Variants in KATNAL1 observed in about 807,000 individuals in gnomAD.
KATNAL1 encodes katanin p60 ATPase-containing subunit A-like 1.
In KATNAL1, 32 loss-of-function variants were observed where a neutral mutation model predicts 55.2. The ratio of observed to expected loss-of-function variants is 0.58; its 90% CI spans 0.44 to 0.78. KATNAL1 has a LOEUF of 0.78. KATNAL1 is among the 30% of genes least tolerant of loss of function. The pLI is 0.00. For missense variants in KATNAL1, 466 were observed against 600.9 expected (o/e 0.78, Z 2.35); for synonymous variants, 193 against 193.6 (o/e 1.00, Z 0.02).
At chr13:30,305,171 A>G (rs935347120) in intron 1 of KATNAL1, among the ~76,000 whole-genome samples, 1 of 152,194 alleles carries the variant, frequency 6.6e-6, no homozygotes, top group South Asian at 2.1e-4. Flanking sequence ...AAATTCTTCA[A>G]TGACTGCCCT....
chr13:30,280,116 A>C lies in KATNAL1; in HGVS notation c.270T>G (p.Asp90Glu). The change falls in exon 3 of 11, where the codon GAT becomes GAG. Residue 90 changes from aspartate (D) to glutamate (E), a missense_variant. Transcript: ENST00000380615. ...AAACAGCAGGATCTCTAAATGGTTC[A>C]TCTTGACAGGACACAGGGAAATCTG... ...KPPDFPVSCQ[D>E]EPFRDPAVWP... 1 of 1,613,672 alleles carries C rather than the reference A, an allele frequency of 6.2e-7. No individual in the cohort carries two copies. Among genetic ancestry groups the C allele is most frequent in the South Asian group, 1.1e-5 (1 of 91,016 alleles).
At chr13:30,306,313 A>C (rs1883172606) in intron 1 of KATNAL1, among the ~76,000 whole-genome samples, 1 of 152,186 alleles carries the variant, frequency 6.6e-6, no homozygotes, top group Non-Finnish European at 1.5e-5. Context: ...CCTTCCGAAA[A>C]CATGCTGAGA....
intron 3 of KATNAL1, among the ~76,000 whole-genome samples, chr13:30,266,012 CA>C (rs776557665): frequency 0.22 from 7,879 of 35,510 alleles, 133 homozygotes; most frequent in African/African-American, 0.29. Context: ...AACTCCATCT[CA>C]AAAAAAAAAA....
chr13:30,266,739 A>G (rs767223655), intron 3 of KATNAL1, among the ~76,000 whole-genome samples: 1 of 152,232 alleles, frequency 6.6e-6, no homozygotes, highest in African/African-American at 2.4e-5. Context: ...TTAATTTTAA[A>G]TCTCCCTGGA....
intron 1 of KATNAL1, among the ~76,000 whole-genome samples, chr13:30,301,652 C>T (rs1373810214): frequency 2.0e-5 from 3 of 152,086 alleles, no homozygotes; most frequent in Non-Finnish European, 4.4e-5. Context: ...AGAGCCTGTC[C>T]TCCTGGCTCA....
intron 6 of KATNAL1, among the ~76,000 whole-genome samples, chr13:30,235,091 T>G (rs1876521711): frequency 6.6e-6 from 1 of 152,212 alleles, no homozygotes; most frequent in South Asian, 2.1e-4. Flanking sequence ...CCATGGGCAA[T>G]CATTCAATTG....
At chr13:30,283,564 T>C in intron 2 of KATNAL1, 52 bp downstream of exon 2, 3 of 1,557,336 alleles carry the variant, frequency 1.9e-6, no homozygotes, top group Admixed American at 1.8e-5. Flanking sequence ...ATCTCTCAAG[T>C]ATAATAGGGT....
chr13:30,215,337 C>G (rs1249632938), intron 9 of KATNAL1, among the ~76,000 whole-genome samples: 6 of 152,180 alleles, frequency 3.9e-5, no homozygotes, highest in Non-Finnish European at 7.3e-5. Flanking sequence ...GGACCGTAAA[C>G]TAGTTCAACC....
At chr13:30,230,619 T>G in intron 7 of KATNAL1, 25 bp from the exon 8 acceptor site, 6 of 1,542,156 alleles carry the variant, frequency 3.9e-6, no homozygotes, top group Non-Finnish European at 5.3e-6. Context: ...TTTAAAGAAA[T>G]CATTCAATAA....
chr13:30,261,234 G>A (rs904976282), intron 3 of KATNAL1, among the ~76,000 whole-genome samples: 10 of 151,956 alleles, frequency 6.6e-5, no homozygotes, highest in Non-Finnish European at 1.3e-4. Context: ...AACATGGAAA[G>A]GAACAACCGA....
At position 30,227,407 on chromosome 13, in the gene KATNAL1, C is replaced by G. The variant is rs948619601; in HGVS notation, c.1147+5G>C. 89 of 1,612,378 alleles carry G rather than the reference C, an allele frequency of 5.5e-5. No homozygotes were observed. The highest frequency in any genetic ancestry group is 7.5e-5 in the Non-Finnish European group (88 of 1,179,086). On this transcript the variant is annotated splice_donor_5th_base_variant and intron_variant, in intron 9 of 10. Transcript: ENST00000380615. Reference sequence around the variant, plus strand: ...AGAAAGCTCAAAATAGAGAAGACATCATACCTGTTGGGAGAGGTATATATA... The same window carrying G: ...AGAAAGCTCAAAATAGAGAAGACATGATACCTGTTGGGAGAGGTATATATA...
At chr13:30,223,908 A>G (rs971318103) in intron 9 of KATNAL1, among the ~76,000 whole-genome samples, 2 of 152,236 alleles carry the variant, frequency 1.3e-5, no homozygotes, top group African/African-American at 4.8e-5. Flanking sequence ...CAGAATAAAC[A>G]TTCTATTCAA....
In KATNAL1 at chr13:30,210,458, G is replaced by C; in HGVS notation, c.1148-16C>G. Reference sequence around the variant, plus strand: ...CTTCCTTTTGCTGTTACAAGATTTTGGTGGTGTTGTTAGATGTTTTACTTT... The same window carrying C: ...CTTCCTTTTGCTGTTACAAGATTTTCGTGGTGTTGTTAGATGTTTTACTTT... On this transcript the variant is annotated splice_polypyrimidine_tract_variant and intron_variant, in intron 9 of 10. Transcript: ENST00000380615. The C allele has an allele frequency of 6.3e-7, 1 of 1,592,042 alleles. No individual in the cohort carries two copies. The highest frequency in any genetic ancestry group is 8.5e-7 in the Non-Finnish European group (1 of 1,173,222).
At chr13:30,290,175 A>G (rs1167726596) in intron 1 of KATNAL1, among the ~76,000 whole-genome samples, 4 of 152,246 alleles carry the variant, frequency 2.6e-5, no homozygotes, top group African/African-American at 9.6e-5. Context: ...AACCAAAAGA[A>G]GCAGAAGGAA....
At chr13:30,293,362 C>T (rs1414446757) in intron 1 of KATNAL1, among the ~76,000 whole-genome samples, 2 of 152,066 alleles carry the variant, frequency 1.3e-5, no homozygotes, top group African/African-American at 4.8e-5. Context: ...AGCTCAATGA[C>T]CTTTTACACT....
chr13:30,275,977 C>T (rs986590313), intron 3 of KATNAL1, among the ~76,000 whole-genome samples: 1 of 151,996 alleles, frequency 6.6e-6, no homozygotes, highest in African/African-American at 2.4e-5. Flanking sequence ...ACTTTCATGG[C>T]TTCAGGTATT....
intron 3 of KATNAL1, among the ~76,000 whole-genome samples, chr13:30,274,925 A>ACG (rs1566122658): frequency 2.7e-5 from 4 of 149,990 alleles, no homozygotes; most frequent in African/African-American, 9.8e-5. Context: ...ACACACACAC[A>ACG]CACACACACA....
intron 9 of KATNAL1, among the ~76,000 whole-genome samples, chr13:30,211,525 A>G (rs1295004807): frequency 1.3e-5 from 2 of 152,254 alleles, no homozygotes; most frequent in Admixed American, 1.3e-4. Context: ...TTTACAAACC[A>G]TAACACATTG....
intron 1 of KATNAL1, among the ~76,000 whole-genome samples, chr13:30,287,985 A>C (rs1238005221): frequency 6.6e-6 from 1 of 152,204 alleles, no homozygotes; most frequent in South Asian, 2.1e-4. Context: ...AATATTATAG[A>C]AACAATAACA....
Sources: gnomAD v4.1 joint callset for allele counts (sites outside exome capture counted in the v4.1 genomes callset) on GRCh38, gnomAD v4.1.1 for gene constraint, MANE v1.5 for transcripts, NCBI Gene and HGNC (gene_info 2026-07-23, HGNC 2026-07-21) for gene names.